Variants in CHD6 observed in about 807,000 individuals in gnomAD.
CHD6 encodes the protein chromodomain helicase DNA binding protein 6, also known as ATP-dependent chromatin remodeler CHD6.
In CHD6, 50 loss-of-function variants were observed where a neutral mutation model predicts 276.9. The ratio of observed to expected loss-of-function variants is 0.18; its 90% CI spans 0.14 to 0.23. The LOEUF is 0.23. Among genes scored for constraint, CHD6 ranks in the 10% least tolerant of loss-of-function variants. CHD6 has a pLI of 1.00. For missense variants in CHD6, 2,564 were observed against 3,365.8 expected (o/e 0.76, Z 5.89); for synonymous variants, 1,173 against 1,229.3 (o/e 0.95, Z 0.96).
intron 3 of CHD6, among the ~76,000 whole-genome samples, chr20:41,528,182 G>A (rs1208536149): frequency 1.3e-5 from 2 of 151,956 alleles, no homozygotes; most frequent in African/African-American, 2.4e-5. Context: ...CTTTTCTAAG[G>A]CCAAAACATT....
intron 3 of CHD6, among the ~76,000 whole-genome samples, chr20:41,521,921 A>G (rs1326332616): frequency 6.6e-6 from 1 of 152,262 alleles, no homozygotes; most frequent in East Asian, 1.9e-4. Context: ...GTAAAGAATT[A>G]TAAGTCACTG....
chr20:41,475,616 C>T (rs894334736), intron 16 of CHD6, among the ~76,000 whole-genome samples: 2 of 152,168 alleles, frequency 1.3e-5, no homozygotes, highest in Admixed American at 6.5e-5. Flanking sequence ...AAGCACAATA[C>T]TTGGAGTCAA....
At chr20:41,409,230 C>T (rs574092191) in intron 36 of CHD6, among the ~76,000 whole-genome samples, 16 of 152,196 alleles carry the variant, frequency 1.1e-4, no homozygotes, top group Non-Finnish European at 2.4e-4. Flanking sequence ...GCTGCCCACT[C>T]CAGTCAGGTG....
At chr20:41,557,256 G>A (rs1187381757) in intron 1 of CHD6, among the ~76,000 whole-genome samples, 6 of 152,316 alleles carry the variant, frequency 3.9e-5, no homozygotes, top group Non-Finnish European at 4.4e-5. Flanking sequence ...TAGGAGCACG[G>A]CATTTAATTA....
chr20:41,527,408 G>A (rs1464188433), intron 3 of CHD6, among the ~76,000 whole-genome samples: 2 of 151,926 alleles, frequency 1.3e-5, no homozygotes, highest in East Asian at 3.9e-4. Context: ...GCGACAGAGC[G>A]AGACCCTGTC....
chr20:41,494,926 T>C (rs2043645896), intron 8 of CHD6, among the ~76,000 whole-genome samples: 1 of 152,158 alleles, frequency 6.6e-6, no homozygotes, highest in South Asian at 2.1e-4. Flanking sequence ...AAATTATAAC[T>C]TAACTTCCTT....
chr20:41,441,399 C>A (rs2047897337), intron 25 of CHD6, among the ~76,000 whole-genome samples: 2 of 152,152 alleles, frequency 1.3e-5, no homozygotes, highest in South Asian at 2.1e-4. Context: ...TCACATCAAA[C>A]AGAAAATTCC....
chr20:41,538,600 T>C (rs1490596053), intron 2 of CHD6, among the ~76,000 whole-genome samples: 1 of 152,228 alleles, frequency 6.6e-6, no homozygotes. Flanking sequence ...AACCACAAAA[T>C]TGCACATTTT....
intron 17 of CHD6, among the ~76,000 whole-genome samples, chr20:41,461,474 G>C (rs1027942756): frequency 6.6e-6 from 1 of 152,154 alleles, no homozygotes; most frequent in Non-Finnish European, 1.5e-5. Flanking sequence ...CAATTCTCAC[G>C]ATAGTTAATG....
chr20:41,587,763 TAACCC>T (rs2045480865), intron 1 of CHD6, among the ~76,000 whole-genome samples: 1 of 152,026 alleles, frequency 6.6e-6, no homozygotes, highest in African/African-American at 2.4e-5. Flanking sequence ...TTGGACTGCC[TAACCC>T]AAGAGCAGTC....
In CHD6 at chr20:41,457,325, A is replaced by C; in HGVS notation, c.2768T>G (p.Leu923Arg). The change falls in exon 18 of 37, where the codon CTA (leucine) becomes CGA (arginine). Residue 923 changes from leucine (L) to arginine (R), a missense_variant. Physicochemically the swap from Leu to Arg is moderately radical, Grantham distance 102. Around this residue, in one of 7 missense-constraint regions of CHD6, gnomAD observed 457 missense variants for 889.0 expected, o/e 0.51. Transcript: ENST00000373233. ...AACAGCCTTGTCCAGCCCCAGCTTT[A>C]GGCTGGCCTTGTCAAACATCTCGCG... Reference protein sequence around the residue: ...YEREMFDKASLKLGLDKAVLQ... With the variant: ...YEREMFDKASRKLGLDKAVLQ... The C allele has an allele frequency of 6.2e-7, 1 of 1,614,122 alleles. No homozygotes were observed. The highest frequency in any genetic ancestry group is 2.2e-5 in the East Asian group (1 of 44,866).
At chr20:41,434,287 C>A (rs895280957) in intron 27 of CHD6, among the ~76,000 whole-genome samples, 1 of 152,030 alleles carries the variant, frequency 6.6e-6, no homozygotes, top group Non-Finnish European at 1.5e-5. Flanking sequence ...GATAAAGTAC[C>A]CTTCAGAGCA....
At position 41,417,364 on chromosome 20, in the gene CHD6, A is replaced by C. The variant is rs367644532; in HGVS notation, c.6128-15T>G. The C allele has an allele frequency of 8.0e-4, 1,281 of 1,607,898 alleles. 8 individuals carry two copies. The highest frequency in any genetic ancestry group is 5.3e-3 in the Middle Eastern group (32 of 6,032). ...CCCTGGATAATCTGGGAAGAGGTTA[A>C]AAAATTAATCAGGCACTTAACTATA... is the stretch of plus-strand genomic sequence containing the variant. On this transcript the variant is annotated splice_polypyrimidine_tract_variant and intron_variant, in intron 31 of 36. Coordinates refer to ENST00000373233, the MANE Select transcript of CHD6 (RefSeq NM_032221.5).
At chr20:41,603,782 AC>A (rs2045798024) in intron 1 of CHD6, among the ~76,000 whole-genome samples, 1 of 151,906 alleles carries the variant, frequency 6.6e-6, no homozygotes, top group African/African-American at 2.4e-5. Flanking sequence ...CAGGAGAATC[AC>A]TTGAACCCAG....
At chr20:41,553,016 C>T (rs1482196800) in intron 1 of CHD6, among the ~76,000 whole-genome samples, 5 of 152,110 alleles carry the variant, frequency 3.3e-5, no homozygotes, top group Non-Finnish European at 5.9e-5. Context: ...TCTGAACCAA[C>T]GCAGTTAAAA....
At chr20:41,480,991 T>C (rs1227870568) in intron 16 of CHD6, among the ~76,000 whole-genome samples, 1 of 152,002 alleles carries the variant, frequency 6.6e-6, no homozygotes, top group Non-Finnish European at 1.5e-5. Flanking sequence ...TCTATGCCTA[T>C]AATCCAGCTA....
At position 41,498,807 on chromosome 20, in the gene CHD6, ATGTATGTGTGTG is replaced by A. The variant is rs1357620210; in HGVS notation, c.915+476_915+487del. Among the ~76,000 whole-genome samples the A allele has an allele frequency of 9.4e-3, 1,110 of 117,680 alleles. 18 individuals carry two copies. The highest frequency in any genetic ancestry group is 0.034 in the African/African-American group (1,008 of 29,362). The allele number at this position is 117,680 out of a possible 152,430, so 77.2% of individuals were successfully genotyped here. A position where few individuals can be genotyped will look rare whatever the true frequency, so the allele number is the denominator to read the frequency against. ...TATGTATGTATGTATGTATGTATGTATGTATGTGTGTGTGTGTGTGTGTGTGTGTGTGTGTGT... is the reference window on the plus strand; with the variant it reads ...TATGTATGTATGTATGTATGTATGTATGTGTGTGTGTGTGTGTGTGTGTGT... On this transcript the variant is annotated intron_variant, in intron 6 of 36. Transcript: ENST00000373233.
In CHD6 at chr20:41,432,160, C is replaced by CAAAAAAA. The variant is rs572447937; in HGVS notation, c.4068+5107_4068+5113dup. Among the ~76,000 whole-genome samples the CAAAAAAA allele has an allele frequency of 1.5e-3, 89 of 58,964 alleles. 1 individual carries two copies. The highest frequency in any genetic ancestry group is 3.2e-3 in the East Asian group (7 of 2,154). 38.7% of individuals were successfully genotyped at this position (58,964 alleles called of 152,430 possible). A position where few individuals can be genotyped will look rare whatever the true frequency, so the allele number is the denominator to read the frequency against. On this transcript the variant is annotated intron_variant, in intron 27 of 36. Transcript: ENST00000373233. ...GGGCAGCAAGAGTAAAACTCCGTCTCAAAAAAAAAAAAAAAAAAAGAAGCG... is the reference window on the plus strand; with the variant it reads ...GGGCAGCAAGAGTAAAACTCCGTCTCAAAAAAAAAAAAAAAAAAAAAAAAAAGAAGCG...
In CHD6 at chr20:41,404,363, A is replaced by G. The variant is rs770378645; in HGVS notation, c.*230T>C. The G allele has an allele frequency of 2.4e-5, 30 of 1,244,398 alleles. No individual in the cohort carries two copies. The highest frequency in any genetic ancestry group is 3.0e-5 in the Non-Finnish European group (30 of 993,980). The allele number at this position is 1,244,398 out of a possible 1,614,324, so 77.1% of individuals were successfully genotyped here. A position where few individuals can be genotyped will look rare whatever the true frequency, so the allele number is the denominator to read the frequency against. On this transcript the variant is annotated 3_prime_UTR_variant, in exon 37 of 37. Transcript: ENST00000373233. ...TATGATTGCTGGAATGAACTGGATA[A>G]CAGAATGAGAATTCTGTGCCTCCTA...
Sources: gnomAD v4.1 joint callset for allele counts (sites outside exome capture counted in the v4.1 genomes callset) on GRCh38, gnomAD v4.1.1 for gene constraint, gnomAD v4.1.1 regional missense constraint, MANE v1.5 for transcripts, NCBI Gene and HGNC (gene_info 2026-07-23, HGNC 2026-07-21) for gene names.